The following RNF144A variants were observed in gnomAD, a reference collection of about 807,000 sequenced individuals.
RNF144A encodes ring finger protein 144A, also known as E3 ubiquitin-protein ligase RNF144A.
A neutral mutation model predicts 38.7 loss-of-function variants in RNF144A; 11 were observed. The observed-to-expected ratio is 0.28, with a 90% CI of 0.18 to 0.47. RNF144A has a LOEUF of 0.47. Among genes scored for constraint, RNF144A ranks in the 20% least tolerant of loss-of-function variants. The probability of loss-of-function intolerance (pLI) is 0.99; values close to 1 mark genes in which losing one functional copy is unlikely to be tolerated. For synonymous variants in RNF144A, 149 were observed against 143.9 expected, an observed-to-expected ratio of 1.04 and a Z score of -0.25; for missense variants, 316 against 377.2, an observed-to-expected ratio of 0.84 and a Z score of 1.34.
At position 7,000,877 on chromosome 2, in the gene RNF144A, AT is replaced by A. The variant is rs915027883; in HGVS notation, c.135+3825del. ...TATTGCGTTTATATATATATATATA[AT>A]TTTTTTTTGCTTTGAGTTAGAATTA... On this transcript the variant is annotated intron_variant, in intron 3 of 8. Coordinates refer to ENST00000320892, the MANE Select transcript of RNF144A (RefSeq NM_014746.6). Among the ~76,000 whole-genome samples, 99 of 149,470 alleles carry A rather than the reference AT, an allele frequency of 6.6e-4. 1 individual carries two copies. Among genetic ancestry groups the A allele is most frequent in the African/African-American group, 2.1e-3 (85 of 40,908 alleles).
At chr2:6,959,579 C>A (rs1480849383) in intron 2 of RNF144A, among the ~76,000 whole-genome samples, 1 of 152,062 alleles carries the variant, frequency 6.6e-6, no homozygotes, top group African/African-American at 2.4e-5. Flanking sequence ...TGGTGAGGGG[C>A]CTCACGCGGC....
chr2:7,030,006 A>G, intron 7 of RNF144A, 120 bp from the exon 8 acceptor site: 1 of 735,522 alleles, frequency 1.4e-6, no homozygotes. Context: ...TCCCTGTGTC[A>G]CCTCCCTCAT....
At chr2:7,058,746 T>C (rs7425168) in intron 6 of RNF144A, among the ~76,000 whole-genome samples, 12,011 of 152,294 alleles carry the variant, frequency 0.079, 523 homozygotes, top group Middle Eastern at 0.19. Context: ...GGTGAATATA[T>C]TGCAGTTGGT....
chr2:6,931,683 G>A (rs1665217182), intron 1 of RNF144A, among the ~76,000 whole-genome samples: 2 of 152,318 alleles, frequency 1.3e-5, no homozygotes, highest in South Asian at 2.1e-4. Flanking sequence ...AATGCCAGTG[G>A]CTCTTGTGTT....
At chr2:7,029,790 T>A (rs934493541) in intron 7 of RNF144A, among the ~76,000 whole-genome samples, 1 of 151,978 alleles carries the variant, frequency 6.6e-6, no homozygotes, top group Non-Finnish European at 1.5e-5. Context: ...TTTGTCCCCA[T>A]GAGATCCCTT....
chr2:6,965,147 C>T (rs78837075), intron 2 of RNF144A, among the ~76,000 whole-genome samples: 2,839 of 152,186 alleles, frequency 0.019, 96 homozygotes, highest in African/African-American at 0.066. Flanking sequence ...ATGTTTGCTC[C>T]ACCATAGCTG....
chr2:6,990,385 TACACACACACAC>T (rs60196595), intron 2 of RNF144A, among the ~76,000 whole-genome samples: 30,623 of 123,748 alleles, frequency 0.25, 3,820 homozygotes, highest in East Asian at 0.36. Flanking sequence ...TATATATATT[TACACACACACAC>T]ACACACACAC....
In RNF144A at chr2:6,977,109, A is replaced by T. The variant is rs79544825; in HGVS notation, c.-11-19807A>T. Among the ~76,000 whole-genome samples, 1,057 of 152,338 alleles carry T rather than the reference A, an allele frequency of 6.9e-3. 14 individuals carry two copies. Among genetic ancestry groups the T allele is most frequent in the African/African-American group, 0.024 (1,014 of 41,576 alleles). On this transcript the variant is annotated intron_variant, in intron 2 of 8. Transcript: ENST00000320892. ...CCTCTCAAAAGTGTTAGTTCATTGT[A>T]TGTTACCATTAGCCATGTTTATTGC...
intron 2 of RNF144A, among the ~76,000 whole-genome samples, chr2:6,977,246 C>G (rs1668370620): frequency 6.6e-6 from 1 of 152,200 alleles, no homozygotes; most frequent in South Asian, 2.1e-4. Flanking sequence ...ATGCAGAGAG[C>G]TTAGGAGATG....
chr2:6,986,376 C>T (rs190051785), intron 2 of RNF144A, among the ~76,000 whole-genome samples: 280 of 152,178 alleles, frequency 1.8e-3, no homozygotes, highest in Non-Finnish European at 2.5e-3. Context: ...AGAAATTTCC[C>T]AGGCTTGTTG....
intron 3 of RNF144A, among the ~76,000 whole-genome samples, 173 bp from the exon 4 acceptor site, chr2:7,014,278 AGTT>A (rs2103418941): frequency 6.6e-6 from 1 of 152,346 alleles, no homozygotes; most frequent in South Asian, 2.1e-4. Context: ...CCCCATAAAT[AGTT>A]GTTGAATGAA....
At position 6,943,859 on chromosome 2, in the gene RNF144A, A is replaced by G. The variant is rs1050541564; in HGVS notation, c.-12+2712A>G. On this transcript the variant is annotated intron_variant, in intron 2 of 8. Coordinates refer to ENST00000320892, the MANE Select transcript of RNF144A (RefSeq NM_014746.6). The surrounding 1 kb of genome is among the most constrained non-coding windows in gnomAD (Gnocchi z 4.3). Reference sequence around the variant, plus strand: ...TTGCAGAGACCAGGAGGCAGCAGAAAGTCCTCTAGAGAGATGGAGGTGCAG... The same window carrying G: ...TTGCAGAGACCAGGAGGCAGCAGAAGGTCCTCTAGAGAGATGGAGGTGCAG... 3.9e-5 allele frequency among the ~76,000 whole-genome samples: 6 copies of G among 152,186 alleles called. No individual in the cohort carries two copies. Among genetic ancestry groups the G allele is most frequent in the African/African-American group, 1.4e-4 (6 of 41,442 alleles).
At chr2:6,969,047 C>A (rs1479816885) in intron 2 of RNF144A, among the ~76,000 whole-genome samples, 1 of 152,242 alleles carries the variant, frequency 6.6e-6, no homozygotes, top group Non-Finnish European at 1.5e-5. Context: ...GGTAATACCC[C>A]ATCCTTGGGG....
At chr2:6,929,832 T>G (rs140726168) in intron 1 of RNF144A, among the ~76,000 whole-genome samples, 198 of 152,332 alleles carry the variant, frequency 1.3e-3, no homozygotes, top group African/African-American at 4.5e-3. Context: ...AAGTTTTCCT[T>G]GTTAAGCATG....
At chr2:6,929,574 A>G (rs1665081440) in intron 1 of RNF144A, among the ~76,000 whole-genome samples, 1 of 152,216 alleles carries the variant, frequency 6.6e-6, no homozygotes, top group Non-Finnish European at 1.5e-5. Context: ...AAACAGCACA[A>G]TGTGGTGGTT....
intron 2 of RNF144A, among the ~76,000 whole-genome samples, chr2:6,988,811 T>G (rs1390565170): frequency 6.6e-6 from 1 of 152,170 alleles, no homozygotes; most frequent in Admixed American, 6.5e-5. Flanking sequence ...CTATGAAAAT[T>G]ATGTGGAATT....
At chr2:7,035,627 A>G (rs1572454904) in intron 8 of RNF144A, among the ~76,000 whole-genome samples, 1 of 152,180 alleles carries the variant, frequency 6.6e-6, no homozygotes, top group Non-Finnish European at 1.5e-5. Flanking sequence ...CACTCAGAAC[A>G]TGCCCTGAAT....
intron 2 of RNF144A, among the ~76,000 whole-genome samples, chr2:6,970,322 G>A (rs1489145090): frequency 6.6e-6 from 1 of 152,130 alleles, no homozygotes; most frequent in Non-Finnish European, 1.5e-5. Context: ...AAAAACAGGA[G>A]TTTCCCTGCA....
At chr2:6,954,978 T>A (rs966190657) in intron 2 of RNF144A, among the ~76,000 whole-genome samples, 1 of 152,244 alleles carries the variant, frequency 6.6e-6, no homozygotes, top group African/African-American at 2.4e-5. Flanking sequence ...GTGTTATTTT[T>A]AAAATAGACA....
Sources: gnomAD v4.1 joint callset for allele counts (sites outside exome capture counted in the v4.1 genomes callset) on GRCh38, gnomAD v4.1.1 for gene constraint, Gnocchi (gnomAD v3.1) non-coding constraint, MANE v1.5 for transcripts, NCBI Gene and HGNC (gene_info 2026-07-23, HGNC 2026-07-21) for gene names.